CCDC88C: variants seen among roughly 807,000 people sequenced by gnomAD.
CCDC88C encodes the protein protein Daple.
A neutral mutation model predicts 198.8 loss-of-function variants in CCDC88C; 131 were observed. The observed-to-expected ratio is 0.66, with a 90% CI of 0.57 to 0.76. The LOEUF is 0.76. Ranked by LOEUF, CCDC88C falls within the 30% of genes least tolerant of loss-of-function variation. The pLI is 0.00. For synonymous variants in CCDC88C, 1,166 were observed against 1,114.7 expected (o/e 1.05, Z -0.92); for missense variants, 2,553 against 2,631.6 (o/e 0.97, Z 0.65).
chr14:91,288,544 C>T lies in CCDC88C; in HGVS notation c.4441+561G>A, dbSNP rs555649695. 1.3e-5 allele frequency among the ~76,000 whole-genome samples: 2 copies of T among 152,278 alleles called. No homozygotes were observed. Among genetic ancestry groups the T allele is most frequent in the South Asian group, 2.1e-4 (1 of 4,822 alleles). ...GTCGCTTGTCTCTATGGTACCTGCA[C>T]GAATGTCAGCTTTGGATATTGAGAT... On this transcript the variant is annotated intron_variant, in intron 25 of 29. Transcript: ENST00000389857. This position sits in a 1 kb window ranked among gnomAD's most constrained non-coding sequence, Gnocchi z 4.2.
intron 3 of CCDC88C, among the ~76,000 whole-genome samples, chr14:91,372,088 G>A (rs1474805748): frequency 6.6e-6 from 1 of 152,148 alleles, no homozygotes; most frequent in African/African-American, 2.4e-5. Flanking sequence ...AGTGTCCCAG[G>A]GCAGGCATCT....
At chr14:91,314,646 G>A (rs1011727890) in intron 14 of CCDC88C, among the ~76,000 whole-genome samples, 8 of 152,164 alleles carry the variant, frequency 5.3e-5, no homozygotes, top group African/African-American at 9.7e-5. Context: ...TAAGGTAGCC[G>A]TGTATCCCAG....
At chr14:91,410,045 C>G (rs1740976069) in intron 2 of CCDC88C, among the ~76,000 whole-genome samples, 1 of 152,214 alleles carries the variant, frequency 6.6e-6, no homozygotes, top group African/African-American at 2.4e-5. Flanking sequence ...TTTCCAACCT[C>G]AGGCAAAAGT....
intron 12 of CCDC88C, among the ~76,000 whole-genome samples, chr14:91,322,262 A>C (rs1469142034): frequency 6.6e-6 from 1 of 152,162 alleles, no homozygotes; most frequent in Non-Finnish European, 1.5e-5. Flanking sequence ...CAAACACATA[A>C]ATCTGGAAAT....
intron 12 of CCDC88C, among the ~76,000 whole-genome samples, chr14:91,324,073 C>G (rs1892472233): frequency 2.0e-5 from 3 of 152,204 alleles, no homozygotes; most frequent in Non-Finnish European, 4.4e-5. Flanking sequence ...CTTGCACGAT[C>G]ACGTGCACGG....
intron 3 of CCDC88C, among the ~76,000 whole-genome samples, chr14:91,406,086 T>G (rs1886468982): frequency 6.6e-6 from 1 of 152,142 alleles, no homozygotes; most frequent in South Asian, 2.1e-4. Context: ...CATCTTTTAC[T>G]TTGTGTGGCC....
Position 91,379,952 on chromosome 14 carries a change from C to T in CCDC88C, c.271-20241G>A, listed in dbSNP as rs17127317. The T allele has an allele frequency of 6.9e-3, 4,807 of 701,692 alleles. 182 individuals are homozygous for T. In the African/African-American group the frequency reaches 0.07, roughly 10 times the overall value. The allele number at this position is 701,692 out of a possible 1,614,324, so 43.5% of individuals were successfully genotyped here. On this transcript the variant is annotated intron_variant, in intron 3 of 29. Transcript: ENST00000389857. ...TTGGGGGCTGAATACAGGCTCACTA[C>T]GGGGATATCGAAAGGGGTAAAACTG...
Position 91,283,462 on chromosome 14 carries a change from G to A in CCDC88C, c.4497C>T (p.Arg1499=), listed in dbSNP as rs1289057805. ...RGSPHRGSLD[R]TDASTDLAMR... is the part of the protein sequence containing the mutation. ...TGGCCAGATCGGTGGAGGCATCTGT[G>A]CGGTCAAGGCTGCCTCTGTGTGGGG... Residue 1499 remains arginine (R), a synonymous_variant, in exon 26 of 30, where the codon CGC becomes CGT. Transcript: ENST00000389857. 2 of 1,613,196 alleles carry A rather than the reference G, an allele frequency of 1.2e-6. No individual in the cohort carries two copies. The highest frequency in any genetic ancestry group is 1.3e-5 in the African/African-American group (1 of 75,030).
intron 20 of CCDC88C, 130 bp downstream of exon 20, chr14:91,303,571 C>T: frequency 2.1e-6 from 2 of 967,022 alleles, no homozygotes; most frequent in South Asian, 1.7e-5. Context: ...CAGGCTCCAC[C>T]CATCTTCCCC....
chr14:91,385,735 G>A (rs1337827091), intron 3 of CCDC88C, among the ~76,000 whole-genome samples: 2 of 152,060 alleles, frequency 1.3e-5, no homozygotes, highest in African/African-American at 4.8e-5. Flanking sequence ...AGGCCAAGGT[G>A]GGAGGACTGC....
In CCDC88C at chr14:91,307,046, C is replaced by A; in HGVS notation, c.3187G>T (p.Glu1063Ter). 6.2e-7 allele frequency: 1 copy of A among 1,611,198 alleles called. No homozygotes were observed. The highest frequency in any genetic ancestry group is 1.1e-5 in the South Asian group (1 of 90,710). The change falls in exon 18 of 30, where the codon GAG becomes TAG. Residue 1063 changes from glutamate to a stop codon, truncating the protein, a stop_gained. Coordinates refer to ENST00000389857, the MANE Select transcript of CCDC88C (RefSeq NM_001080414.4). LOFTEE classifies it high-confidence loss of function. ...CAGGCCAGCCCACTCACATTCCGCT[C>A]CAGCTCGATGGCCCGGTCCTTCACT... ...LRVKDRAIEL[E>*]RNNAALQAEK...
chr14:91,396,554 G>A (rs1053340246), intron 3 of CCDC88C, among the ~76,000 whole-genome samples: 6 of 152,108 alleles, frequency 3.9e-5, no homozygotes, highest in East Asian at 3.8e-4. Context: ...GAATGAGCCC[G>A]ACAAGCACCG....
intron 25 of CCDC88C, 95 bp from the exon 26 acceptor site, chr14:91,283,612 T>A (rs1168365839): frequency 8.2e-7 from 1 of 1,222,492 alleles, no homozygotes; most frequent in Non-Finnish European, 1.1e-6. Flanking sequence ...CAGCAGGGCA[T>A]GAGGACCACA....
At chr14:91,304,710 C>T (rs1377392391) in intron 19 of CCDC88C, among the ~76,000 whole-genome samples, 1 of 152,184 alleles carries the variant, frequency 6.6e-6, no homozygotes, top group Non-Finnish European at 1.5e-5. Context: ...TATACCTCTC[C>T]ATCCAACAAC....
intron 26 of CCDC88C, 77 bp downstream of exon 26, chr14:91,283,252 T>C (rs1045252573): frequency 1.4e-6 from 2 of 1,446,176 alleles, no homozygotes; most frequent in African/African-American, 1.4e-5. Flanking sequence ...GCAACCTCTC[T>C]GATTTCCGAG....
intron 3 of CCDC88C, among the ~76,000 whole-genome samples, chr14:91,404,563 G>A (rs532792144): frequency 3.9e-5 from 6 of 152,160 alleles, no homozygotes; most frequent in South Asian, 4.1e-4. Context: ...AGCTCCCAGC[G>A]CGGCTGCAGA....
rs149669210 is a variant in CCDC88C, at chr14:91,386,120, G to A, written c.270+22539C>T. On this transcript the variant is annotated intron_variant, in intron 3 of 29. Coordinates refer to ENST00000389857, the MANE Select transcript of CCDC88C (RefSeq NM_001080414.4). ...ACTCTTTATAGATCCTGTGATGACT[G>A]AGCTCTTTCTATGATGAGCCAACAA... Among the ~76,000 whole-genome samples, 1,058 of 152,042 alleles carry A rather than the reference G, an allele frequency of 7.0e-3. 10 individuals are homozygous for A. Among genetic ancestry groups the A allele is most frequent in the African/African-American group, 0.024 (1,013 of 41,472 alleles).
intron 3 of CCDC88C, among the ~76,000 whole-genome samples, chr14:91,403,913 C>A (rs537582983): frequency 5.3e-5 from 8 of 152,342 alleles, no homozygotes; most frequent in African/African-American, 1.9e-4. Flanking sequence ...GCCTGGGCGA[C>A]AGAGAGAGAC....
intron 3 of CCDC88C, among the ~76,000 whole-genome samples, chr14:91,363,360 C>T (rs777529088): frequency 4.6e-5 from 7 of 151,786 alleles, no homozygotes; most frequent in Non-Finnish European, 5.9e-5. Context: ...ATACCCCCAC[C>T]TCGGCCTTCC....
Sources: allele counts gnomAD v4.1 joint callset (sites outside exome capture counted in the v4.1 genomes callset), GRCh38; gene constraint gnomAD v4.1.1; non-coding constraint Gnocchi (gnomAD v3.1); transcripts MANE v1.5; gene names NCBI Gene and HGNC (gene_info 2026-07-23, HGNC 2026-07-21).